TRDN: variants seen among roughly 807,000 people sequenced by gnomAD.
The protein encoded by TRDN is triadin, also known as triadin in skeletal muscle.
A neutral mutation model predicts 149.7 loss-of-function variants in TRDN; 161 were observed. The ratio of observed to expected loss-of-function variants is 1.08; its 90% CI spans 0.95 to 1.23. The LOEUF is 1.23. Ranked by LOEUF, TRDN falls within the 50% of genes most tolerant of loss-of-function variation. The pLI is 0.00. For missense variants in TRDN, 896 were observed against 823.5 expected (o/e 1.09, Z -1.08); for synonymous variants, 294 against 250.5 (o/e 1.17, Z -1.64).
At chr6:123,412,403 C>T (rs1773479227) in intron 12 of TRDN, among the ~76,000 whole-genome samples, 1 of 152,148 alleles carries the variant, frequency 6.6e-6, no homozygotes, top group African/African-American at 2.4e-5. Flanking sequence ...AATAACTAGT[C>T]ATATTTCAAC....
At chr6:123,455,770 A>T (rs1482761730) in intron 10 of TRDN, among the ~76,000 whole-genome samples, 1 of 152,214 alleles carries the variant, frequency 6.6e-6, no homozygotes, top group Non-Finnish European at 1.5e-5. Context: ...TAGAAATAGT[A>T]AAGAAAACAT....
intron 38 of TRDN, among the ~76,000 whole-genome samples, chr6:123,228,396 T>C (rs1206198577): frequency 6.6e-6 from 1 of 151,950 alleles, no homozygotes; most frequent in African/African-American, 2.4e-5. Context: ...AGAGATTTAA[T>C]TGACTCACAT....
intron 2 of TRDN, among the ~76,000 whole-genome samples, chr6:123,569,019 A>G (rs1343575726): frequency 1.3e-5 from 2 of 152,204 alleles, no homozygotes; most frequent in Non-Finnish European, 2.9e-5. Flanking sequence ...CCCTTTAAAG[A>G]TAAGTTCCAC....
intron 21 of TRDN, among the ~76,000 whole-genome samples, chr6:123,340,025 T>A (rs1260635053): frequency 6.6e-6 from 1 of 152,146 alleles, no homozygotes; most frequent in Non-Finnish European, 1.5e-5. Flanking sequence ...ATCCAGGAAT[T>A]TTCCAGTTTA....
chr6:123,390,270 C>A (rs1270713698), intron 13 of TRDN, among the ~76,000 whole-genome samples: 1 of 152,068 alleles, frequency 6.6e-6, no homozygotes, highest in Admixed American at 6.6e-5. Context: ...ATTCTACAGA[C>A]AAGAAAGCCT....
At chr6:123,367,573 G>A (rs975538170) in intron 19 of TRDN, among the ~76,000 whole-genome samples, 6 of 152,132 alleles carry the variant, frequency 3.9e-5, no homozygotes, top group African/African-American at 1.4e-4. Flanking sequence ...CCTCTTCTTC[G>A]AGCTATCTCA....
chr6:123,427,532 T>C (rs1465388349), intron 12 of TRDN, among the ~76,000 whole-genome samples: 1 of 152,130 alleles, frequency 6.6e-6, no homozygotes, highest in East Asian at 1.9e-4. Context: ...TTTGAAAACT[T>C]CAAATGGCAG....
At chr6:123,383,547 G>A (rs1781797975) in intron 14 of TRDN, among the ~76,000 whole-genome samples, 1 of 152,002 alleles carries the variant, frequency 6.6e-6, no homozygotes. Context: ...AACAATAAGA[G>A]AGTGTTGATG....
chr6:123,585,082 T>C (rs1471600249), intron 1 of TRDN, among the ~76,000 whole-genome samples: 2 of 151,232 alleles, frequency 1.3e-5, no homozygotes, highest in South Asian at 2.1e-4. Context: ...AATGAGATGG[T>C]AAGGGGTGCA....
At chr6:123,493,135 CTA>C (rs896412509) in intron 9 of TRDN, among the ~76,000 whole-genome samples, 1 of 152,120 alleles carries the variant, frequency 6.6e-6, no homozygotes, top group Non-Finnish European at 1.5e-5. Flanking sequence ...ACATACAGGT[CTA>C]TGCCAGTTGC....
chr6:123,514,323 T>C (rs4440488), intron 6 of TRDN, among the ~76,000 whole-genome samples: 148,719 of 152,176 alleles, frequency 0.98, 72,683 homozygotes, highest in East Asian at 1. Context: ...CCACTGCACT[T>C]CAGTCTGGGT....
At chr6:123,501,583 T>C (rs1198990593) in intron 8 of TRDN, among the ~76,000 whole-genome samples, 1 of 152,004 alleles carries the variant, frequency 6.6e-6, no homozygotes, top group Non-Finnish European at 1.5e-5. Context: ...AAATGAAAAA[T>C]AAAATGACAT....
At chr6:123,274,094 A>T (rs1026795902) in intron 27 of TRDN, among the ~76,000 whole-genome samples, 1 of 152,066 alleles carries the variant, frequency 6.6e-6, no homozygotes, top group South Asian at 2.1e-4. Flanking sequence ...TCTGAACTTG[A>T]TCTATTGAAC....
intron 1 of TRDN, among the ~76,000 whole-genome samples, chr6:123,585,828 G>A (rs1448994671): frequency 6.6e-6 from 1 of 152,078 alleles, no homozygotes; most frequent in Non-Finnish European, 1.5e-5. Flanking sequence ...CTTGTGTGCT[G>A]GAGATGTGGC....
chr6:123,534,364 T>C lies in TRDN; in HGVS notation c.425-3799A>G, dbSNP rs538505456. On this transcript the variant is annotated intron_variant, in intron 4 of 40. Transcript: ENST00000334268. ...AGAAATTAAATGTTTCTTTGCATGT[T>C]TTATTGCAACTTTGCGTTCTCTTTG... Among the ~76,000 whole-genome samples, 28 of 152,286 alleles carry C rather than the reference T, an allele frequency of 1.8e-4. No individual in the cohort carries two copies. In the South Asian group the frequency reaches 5.6e-3, roughly 30 times the overall value.
At chr6:123,461,427 C>T (rs1776442431) in intron 10 of TRDN, among the ~76,000 whole-genome samples, 2 of 152,104 alleles carry the variant, frequency 1.3e-5, no homozygotes, top group Admixed American at 1.3e-4. Context: ...ATGTAAATTG[C>T]AGCTGTTTAA....
chr6:123,407,394 A>G (rs1560465), intron 12 of TRDN, among the ~76,000 whole-genome samples: 20,137 of 152,110 alleles, frequency 0.13, 1,456 homozygotes, highest in African/African-American at 0.2. Flanking sequence ...TTACCCTCCA[A>G]AGTAAATACT....
At chr6:123,359,805 C>T (rs565382412) in intron 20 of TRDN, among the ~76,000 whole-genome samples, 2 of 152,216 alleles carry the variant, frequency 1.3e-5, no homozygotes, top group East Asian at 3.9e-4. Flanking sequence ...ACGCCATTCT[C>T]CTGCCTCAGC....
rs2114727152 is a variant in TRDN at position 123,331,907 on chromosome 6, C to G, written c.1443G>C (p.Glu481Asp). The change falls in exon 23 of 41, where the codon GAG (glutamate) becomes GAC (aspartate). Residue 481 changes from glutamate (E) to aspartate (D), a missense_variant. By Grantham distance (45) the Glu-to-Asp change is conservative. Transcript: ENST00000334268. The part of the protein sequence containing the change: ...KDKEPIKGKE[E>D]KVPASLKEKE... ...TTTCCTTTAGGGAAGCTGGAACTTT[C>G]TCTTCTTTCCCTTTAATAGGTTCTG... The G allele has an allele frequency of 1.3e-6, 2 of 1,547,778 alleles. No homozygotes were observed. The highest frequency in any genetic ancestry group is 2.0e-5 in the Admixed American group (1 of 50,618).
Sources: gnomAD v4.1 joint callset for allele counts (sites outside exome capture counted in the v4.1 genomes callset) on GRCh38, gnomAD v4.1.1 for gene constraint, MANE v1.5 for transcripts, NCBI Gene and HGNC (gene_info 2026-07-23, HGNC 2026-07-21) for gene names.